FGF5: variants seen among roughly 807,000 people sequenced by gnomAD.
FGF5 encodes fibroblast growth factor 5.
In FGF5, 23 loss-of-function variants were observed where a neutral mutation model predicts 21.8. That is an observed-to-expected ratio of 1.05 (90% CI 0.76 to 1.49). The LOEUF is 1.49. Ranked by LOEUF, FGF5 falls within the 40% of genes most tolerant of loss-of-function variation. The pLI, the probability that FGF5 is intolerant of heterozygous loss-of-function variation, is 0.00. For synonymous variants in FGF5, 158 were observed against 124.0 expected, an observed-to-expected ratio of 1.27 and a Z score of -1.82; for missense variants, 352 against 332.9, an observed-to-expected ratio of 1.06 and a Z score of -0.45.
At chr4:80,279,900 C>T (rs950907845) in intron 2 of FGF5, among the ~76,000 whole-genome samples, 2 of 152,206 alleles carry the variant, frequency 1.3e-5, no homozygotes, top group East Asian at 3.8e-4. Flanking sequence ...GGAATGTGTG[C>T]TTGATCAGTC....
intron 2 of FGF5, among the ~76,000 whole-genome samples, chr4:80,280,710 C>T (rs1220148124): frequency 2.0e-5 from 3 of 152,146 alleles, no homozygotes; most frequent in African/African-American, 7.2e-5. Context: ...CCACCTGACA[C>T]AGAGTAGTCT....
At chr4:80,283,044 G>T (rs1286097444) in intron 2 of FGF5, among the ~76,000 whole-genome samples, 1 of 152,016 alleles carries the variant, frequency 6.6e-6, no homozygotes, top group Non-Finnish European at 1.5e-5. Context: ...AGCCAGACCG[G>T]GAATACTAAC....
chr4:80,280,029 G>A (rs1359212204), intron 2 of FGF5, among the ~76,000 whole-genome samples: 1 of 152,198 alleles, frequency 6.6e-6, no homozygotes, highest in African/African-American at 2.4e-5. Flanking sequence ...GGAGTCAGCA[G>A]CCCCTAAAGC....
chr4:80,281,084 T>C (rs1273298463), intron 2 of FGF5, among the ~76,000 whole-genome samples: 2 of 152,042 alleles, frequency 1.3e-5, no homozygotes, highest in Non-Finnish European at 2.9e-5. Flanking sequence ...GGAACGAATG[T>C]CCAGTACCAA....
rs1249156741 is a variant in FGF5, at chr4:80,288,099, T to C, written c.*1427T>C. On this transcript the variant is annotated 3_prime_UTR_variant, in exon 3 of 3. Coordinates refer to ENST00000312465, the MANE Select transcript of FGF5 (RefSeq NM_004464.4). The stretch of plus-strand genomic sequence containing the variant: ...ATTCAGAAATGTGGCAAAAAAGGCA[T>C]AGCTAAAGGCTAAACATATGGCTTT... 6.6e-6 allele frequency: 1 copy of C among 152,186 alleles called. No homozygotes were observed. The highest frequency in any genetic ancestry group is 2.4e-5 in the African/African-American group (1 of 41,452). 9.4% of individuals were successfully genotyped at this position (152,186 alleles called of 1,614,324 possible). A position where few individuals can be genotyped will look rare whatever the true frequency, so the allele number is the denominator to read the frequency against.
chr4:80,272,207 T>C (rs1345795182), intron 1 of FGF5, among the ~76,000 whole-genome samples: 1 of 152,196 alleles, frequency 6.6e-6, no homozygotes, highest in Non-Finnish European at 1.5e-5. Flanking sequence ...TAGAATGACA[T>C]ATGTAAAGTG....
rs1720779322 is a variant in FGF5 at position 80,287,816 on chromosome 4, CT to C, written c.*1146del. On this transcript the variant is annotated 3_prime_UTR_variant, in exon 3 of 3. Transcript: ENST00000312465. ...ATTACTCAGTCAAACACTCTTTGAG[CT>C]TCCCTTCCTAAAGGTAACCAATCCA... The C allele has an allele frequency of 6.6e-6, 1 of 152,070 alleles. No homozygotes were observed. The highest frequency in any genetic ancestry group is 2.4e-5 in the African/African-American group (1 of 41,402). The allele number at this position is 152,070 out of a possible 1,614,324, so 9.4% of individuals were successfully genotyped here. A position where few individuals can be genotyped will look rare whatever the true frequency, so the allele number is the denominator to read the frequency against.
chr4:80,274,383 A>G (rs1245627652), intron 1 of FGF5, among the ~76,000 whole-genome samples: 2 of 152,148 alleles, frequency 1.3e-5, no homozygotes, highest in South Asian at 2.1e-4. Flanking sequence ...TCACTAAAAG[A>G]CTGAGTATGG....
chr4:80,275,480 C>T (rs1004286107), intron 2 of FGF5, among the ~76,000 whole-genome samples: 1 of 151,744 alleles, frequency 6.6e-6, no homozygotes, highest in East Asian at 1.9e-4. Context: ...AGGGAAAAAA[C>T]CAATAATTAG....
At position 80,266,952 on chromosome 4, in the gene FGF5, G is replaced by T. The variant is rs199858015; in HGVS notation, c.128G>T (p.Gly43Val). 3.1e-6 allele frequency: 5 copies of T among 1,614,204 alleles called. No individual in the cohort carries two copies. In the Admixed American group the frequency reaches 8.3e-5, roughly 27 times the overall value. Reference sequence around the variant, plus strand: ...GCTGCCACTGATAGGAACCCTAGAGGCTCCAGCAGCAGACAGAGCAGCAGT... The same window carrying T: ...GCTGCCACTGATAGGAACCCTAGAGTCTCCAGCAGCAGACAGAGCAGCAGT... ...GPAATDRNPR[G>V]SSSRQSSSSA... Residue 43 changes from glycine to valine, a missense_variant, in exon 1 of 3, where the codon GGC (glycine) becomes GTC (valine). Physicochemically the swap from Gly to Val is moderately radical, Grantham distance 109. Coordinates refer to ENST00000312465, the MANE Select transcript of FGF5 (RefSeq NM_004464.4).
chr4:80,271,514 C>T (rs937459746), intron 1 of FGF5, among the ~76,000 whole-genome samples: 2 of 152,116 alleles, frequency 1.3e-5, no homozygotes, highest in Admixed American at 1.3e-4. Context: ...TTACACTGAG[C>T]CACCCGTCCA....
At chr4:80,267,882 A>G (rs1208831971) in intron 1 of FGF5, among the ~76,000 whole-genome samples, 3 of 152,184 alleles carry the variant, frequency 2.0e-5, no homozygotes, top group South Asian at 2.1e-4. Flanking sequence ...AAACATTGAA[A>G]TTACTAACTC....
intron 1 of FGF5, among the ~76,000 whole-genome samples, chr4:80,267,502 C>A (rs1032469177): frequency 4.6e-5 from 7 of 152,128 alleles, no homozygotes; most frequent in Admixed American, 3.3e-4. Context: ...ACAAAAAACT[C>A]ATTTCTTCTC....
At position 80,266,887 on chromosome 4, in the gene FGF5, C is replaced by T. The variant is rs1720103173; in HGVS notation, c.63C>T (p.His21=). The T allele has an allele frequency of 6.2e-7, 1 of 1,613,016 alleles. No individual in the cohort carries two copies. The highest frequency in any genetic ancestry group is 8.5e-7 in the Non-Finnish European group (1 of 1,179,496). ...FSHLILSAWA[H]GEKRLAPKGQ... ...ACCTGATCCTCAGCGCCTGGGCTCA[C>T]GGGGAGAAGCGTCTCGCCCCCAAAG... The change falls in exon 1 of 3, where the codon CAC becomes CAT. Residue 21 remains histidine, a synonymous_variant. Coordinates refer to ENST00000312465, the MANE Select transcript of FGF5 (RefSeq NM_004464.4).
At position 80,267,103 on chromosome 4, in the gene FGF5, C is replaced by T; in HGVS notation, c.279C>T (p.Cys93=). ...GGCGCCGGACCGGCAGCCTCTACTG[C>T]AGAGTGGGCATCGGTTTCCATCTGC... ...PSGRRTGSLY[C]RVGIGFHLQI... Residue 93 remains cysteine (C), a synonymous_variant, in exon 1 of 3, where the codon TGC becomes TGT. Coordinates refer to ENST00000312465, the MANE Select transcript of FGF5 (RefSeq NM_004464.4). 2 of 1,614,214 alleles carry T rather than the reference C, an allele frequency of 1.2e-6. No homozygotes were observed. The highest frequency in any genetic ancestry group is 4.5e-5 in the East Asian group (2 of 44,882).
At chr4:80,282,999 T>C (rs369609324) in intron 2 of FGF5, among the ~76,000 whole-genome samples, 18 of 152,264 alleles carry the variant, frequency 1.2e-4, no homozygotes, top group Admixed American at 9.8e-4. Context: ...ACATTATGTA[T>C]AGAGATATAC....
chr4:80,267,359 C>A (rs35954793), intron 1 of FGF5, among the ~76,000 whole-genome samples, 180 bp downstream of exon 1: 23,515 of 152,142 alleles, frequency 0.15, 2,272 homozygotes, highest in Non-Finnish European at 0.22. Flanking sequence ...CGTGCGCACA[C>A]GCACCCCTCT....
chr4:80,284,676 G>A (rs1354066348), intron 2 of FGF5, among the ~76,000 whole-genome samples: 1 of 152,146 alleles, frequency 6.6e-6, no homozygotes, highest in Non-Finnish European at 1.5e-5. Flanking sequence ...CTCTGATATT[G>A]GTTGGCTTCT....
In FGF5 at chr4:80,266,980, C is replaced by A; in HGVS notation, c.156C>A (p.Ser52Arg). The A allele has an allele frequency of 5.6e-6, 9 of 1,614,214 alleles. No individual in the cohort carries two copies. Among genetic ancestry groups the A allele is most frequent in the Non-Finnish European group, 6.8e-6 (8 of 1,180,042 alleles). The change falls in exon 1 of 3, where the codon AGC becomes AGA. Residue 52 changes from serine to arginine, a missense_variant. Physicochemically the swap from Ser to Arg is moderately radical, Grantham distance 110 (BLOSUM62 -1). Coordinates refer to ENST00000312465, the MANE Select transcript of FGF5 (RefSeq NM_004464.4). ...RGSSSRQSSS[S>R]AMSSSSASSS... ...CCAGCAGCAGACAGAGCAGCAGTAGCGCTATGTCTTCCTCTTCTGCCTCCT... is the reference window on the plus strand; with the variant it reads ...CCAGCAGCAGACAGAGCAGCAGTAGAGCTATGTCTTCCTCTTCTGCCTCCT...
Sources: gnomAD v4.1 joint callset for allele counts (sites outside exome capture counted in the v4.1 genomes callset) on GRCh38, gnomAD v4.1.1 for gene constraint, MANE v1.5 for transcripts, NCBI Gene and HGNC (gene_info 2026-07-23, HGNC 2026-07-21) for gene names.